EYS: variants seen among roughly 807,000 people sequenced by gnomAD.
EYS encodes protein eyes shut homolog.
EYS carries 250 observed loss-of-function variants against 282.1 expected under a neutral mutation model. That is an observed-to-expected ratio of 0.89 (90% CI 0.80 to 0.98). The LOEUF (loss-of-function observed/expected upper bound fraction) is 0.98, where lower values mean the gene tolerates loss of function less well. Among genes scored for constraint, EYS ranks in the 50% least tolerant of loss-of-function variants. EYS has a pLI of 0.00. For missense variants in EYS, 4,016 were observed against 3,709.0 expected, an observed-to-expected ratio of 1.08 and a Z score of -2.15; for synonymous variants, 1,355 against 1,282.9, an observed-to-expected ratio of 1.06 and a Z score of -1.20.
chr6:64,625,901 G>A (rs2149856553), intron 23 of EYS, among the ~76,000 whole-genome samples: 1 of 152,250 alleles, frequency 6.6e-6, no homozygotes, highest in Admixed American at 6.5e-5. Flanking sequence ...TAAACATTAA[G>A]ATTTCCTGAT....
rs1394427076 is a variant in EYS, at chr6:65,640,418, GAGT to G, written c.-447-529_-447-527del. Reference sequence around the variant, plus strand: ...TCAAAAATAATTCTTTCATTAAAAAGAGTTTTTTTTTTCCTTTAGGAAACTTTT... The same window carrying G: ...TCAAAAATAATTCTTTCATTAAAAAGTTTTTTTTTCCTTTAGGAAACTTTT... On this transcript the variant is annotated intron_variant, in intron 1 of 42. Transcript: ENST00000503581. Among the ~76,000 whole-genome samples the G allele has an allele frequency of 6.4e-5, 7 of 108,528 alleles. No individual in the cohort carries two copies. In the East Asian group the frequency reaches 1.8e-3, roughly 28 times the overall value. 71.2% of individuals were successfully genotyped at this position (108,528 alleles called of 152,430 possible). A position where few individuals can be genotyped will look rare whatever the true frequency, so the allele number is the denominator to read the frequency against.
rs150989530 is a variant in EYS at position 64,706,878 on chromosome 6, A to G, written c.3444-80633T>C. 6.6e-5 allele frequency among the ~76,000 whole-genome samples: 10 copies of G among 152,312 alleles called. No homozygotes were observed. The East Asian group carries it at 1.5e-3, about 24-fold the overall frequency. On this transcript the variant is annotated intron_variant, in intron 22 of 42. Transcript: ENST00000503581. ...TACACCACTGGTGGGAATGTAGACT[A>G]GTAAAACCACTGTGGAAAACAATGT...
intron 19 of EYS, among the ~76,000 whole-genome samples, chr6:64,846,861 A>G (rs1765731736): frequency 6.6e-6 from 1 of 152,124 alleles, no homozygotes; most frequent in Non-Finnish European, 1.5e-5. Context: ...ATAAGGCCAC[A>G]TAATTAATCA....
chr6:64,569,026 G>GAAAAAA (rs4034162), intron 26 of EYS, among the ~76,000 whole-genome samples: 39 of 101,608 alleles, frequency 3.8e-4, no homozygotes, highest in African/African-American at 5.0e-4. Context: ...AGATGGAAAA[G>GAAAAAA]AAAAAAAAAA....
intron 9 of EYS, among the ~76,000 whole-genome samples, chr6:65,345,449 G>T (rs1350982572): frequency 6.6e-6 from 1 of 151,748 alleles, no homozygotes; most frequent in Non-Finnish European, 1.5e-5. Context: ...TGTAGTATTA[G>T]AATGAATACT....
At chr6:64,159,792 C>T (rs1184883513) in intron 31 of EYS, among the ~76,000 whole-genome samples, 1 of 151,880 alleles carries the variant, frequency 6.6e-6, no homozygotes, top group Admixed American at 6.6e-5. Context: ...TGTCTACAAC[C>T]CCATGAATGT....
intron 13 of EYS, among the ~76,000 whole-genome samples, chr6:65,003,717 A>T (rs1422835894): frequency 2.0e-5 from 3 of 147,160 alleles, no homozygotes; most frequent in African/African-American, 2.4e-5. Context: ...GCCGGCCGGC[A>T]CTTAAGGAAA....
chr6:65,565,053 A>G (rs560786445), intron 2 of EYS, among the ~76,000 whole-genome samples: 1 of 54,450 alleles, frequency 1.8e-5, no homozygotes. Context: ...AGACCATCCC[A>G]GCTAAAACGG....
intron 2 of EYS, among the ~76,000 whole-genome samples, chr6:65,575,110 C>T (rs907712214): frequency 3.3e-5 from 5 of 152,142 alleles, no homozygotes; most frequent in African/African-American, 1.2e-4. Flanking sequence ...CACTTGAGGT[C>T]AGGAGTTCGA....
At chr6:64,938,913 G>T (rs551808907) in intron 15 of EYS, among the ~76,000 whole-genome samples, 1 of 151,666 alleles carries the variant, frequency 6.6e-6, no homozygotes, top group Non-Finnish European at 1.5e-5. Context: ...GGGGGTCTTG[G>T]AACATATCTC....
intron 35 of EYS, among the ~76,000 whole-genome samples, chr6:63,957,755 C>A (rs1765886208): frequency 7.1e-6 from 1 of 140,728 alleles, no homozygotes; most frequent in South Asian, 2.3e-4. Context: ...GTACTGCTCT[C>A]TCTGATGCCA....
intron 2 of EYS, among the ~76,000 whole-genome samples, chr6:65,498,240 G>C (rs1039014037): frequency 6.6e-6 from 1 of 151,970 alleles, no homozygotes; most frequent in Admixed American, 6.6e-5. Context: ...AATCACAAGA[G>C]AGAAAGTGAG....
intron 29 of EYS, among the ~76,000 whole-genome samples, chr6:64,321,119 T>C (rs1770205797): frequency 6.6e-6 from 1 of 151,786 alleles, no homozygotes; most frequent in African/African-American, 2.4e-5. Flanking sequence ...ATTTAACACA[T>C]TTTTACTTGG....
chr6:64,599,263 T>C (rs1039717313), intron 24 of EYS, among the ~76,000 whole-genome samples: 6 of 152,124 alleles, frequency 3.9e-5, no homozygotes, highest in African/African-American at 1.4e-4. Context: ...GAATGGAAGC[T>C]AAGGTATATT....
chr6:65,122,267 T>G (rs1363431316), intron 12 of EYS, among the ~76,000 whole-genome samples: 2 of 152,142 alleles, frequency 1.3e-5, no homozygotes, highest in Admixed American at 6.5e-5. Context: ...ATAACTTGGC[T>G]TTCACAATAT....
chr6:64,245,113 C>T (rs1399675435), intron 30 of EYS, among the ~76,000 whole-genome samples: 6 of 151,702 alleles, frequency 4.0e-5, no homozygotes, highest in Non-Finnish European at 7.4e-5. Context: ...TTGCTCAGAA[C>T]GATGGTTTCC....
intron 1 of EYS, among the ~76,000 whole-genome samples, chr6:65,649,137 CAAAAA>C (rs369237730): frequency 1.5e-4 from 11 of 72,682 alleles, no homozygotes; most frequent in African/African-American, 7.1e-4. Flanking sequence ...GACTCTGTCT[CAAAAA>C]AAAAAAAAAA....
chr6:65,042,510 T>G (rs567944233), intron 13 of EYS, among the ~76,000 whole-genome samples: 2 of 151,656 alleles, frequency 1.3e-5, no homozygotes, highest in Non-Finnish European at 3.0e-5. Context: ...TTTAAATTTT[T>G]TTTTACTTGT....
intron 36 of EYS, among the ~76,000 whole-genome samples, chr6:63,824,225 AG>A (rs2149687077): frequency 6.6e-6 from 1 of 152,354 alleles, no homozygotes; most frequent in South Asian, 2.1e-4. Context: ...ACTTTCAAAT[AG>A]GAAATTTTAA....
Sources: allele counts gnomAD v4.1 joint callset (sites outside exome capture counted in the v4.1 genomes callset), GRCh38; gene constraint gnomAD v4.1.1; transcripts MANE v1.5; gene names NCBI Gene and HGNC (gene_info 2026-07-23, HGNC 2026-07-21).